The following NEK9 variants were observed in gnomAD, a reference collection of about 807,000 sequenced individuals.
NEK9 encodes NIMA related kinase 9.
A neutral mutation model predicts 123.4 loss-of-function variants in NEK9; 75 were observed. The ratio of observed to expected loss-of-function variants is 0.61; its 90% CI spans 0.50 to 0.74. The LOEUF (loss-of-function observed/expected upper bound fraction) is 0.74, where lower values mean the gene tolerates loss of function less well. NEK9 is among the 30% of genes least tolerant of loss of function. NEK9 has a pLI of 0.00. For synonymous variants in NEK9, 438 were observed against 458.7 expected (o/e 0.95, Z 0.58); for missense variants, 952 against 1,214.4 (o/e 0.78, Z 3.21).
Position 75,091,519 on chromosome 14 carries a change from C to G in NEK9, c.2234-41G>C, listed in dbSNP as rs556910874. The stretch of plus-strand genomic sequence containing the variant: ...CACAGAAATAGACAGCTTTGCTATG[C>G]AGCAAGACAGATTTACCATTTGACA... On this transcript the variant is annotated intron_variant, in intron 18 of 21. Transcript: ENST00000238616. The G allele has an allele frequency of 4.4e-5, 64 of 1,449,980 alleles. No homozygotes were observed. The East Asian group carries it at 1.1e-3, about 26-fold the overall frequency. The allele number at this position is 1,449,980 out of a possible 1,614,324, so 89.8% of individuals were successfully genotyped here. A position where few individuals can be genotyped will look rare whatever the true frequency, so the allele number is the denominator to read the frequency against.
chr14:75,119,650 G>C (rs1895258822), intron 4 of NEK9, among the ~76,000 whole-genome samples: 1 of 152,144 alleles, frequency 6.6e-6, no homozygotes, highest in Non-Finnish European at 1.5e-5. Flanking sequence ...AACTTGGTTG[G>C]TGTCAAAGTT....
rs1457406122 is a variant in NEK9 at position 75,120,883 on chromosome 14, A to G, written c.453+236T>C. On this transcript the variant is annotated intron_variant, in intron 3 of 21. Transcript: ENST00000238616. ...AAAACTGGGCATACCAGTACGCAGT[A>G]ATAGAACCAGGAAAGAAAGCCCACA... The G allele has an allele frequency of 6.3e-6, 4 of 633,908 alleles. No homozygotes were observed. In the African/African-American group the frequency reaches 7.3e-5, roughly 12 times the overall value. The allele number at this position is 633,908 out of a possible 1,614,324, so 39.3% of individuals were successfully genotyped here.
intron 13 of NEK9, 150 bp downstream of exon 13, chr14:75,105,800 T>TA (rs2139764506): frequency 1.6e-6 from 1 of 637,544 alleles, no homozygotes; most frequent in Admixed American, 2.8e-5. Flanking sequence ...CACAGGGTGC[T>TA]AAATCAGGAA....
At chr14:75,090,463 T>G (rs183072701) in intron 19 of NEK9, among the ~76,000 whole-genome samples, 1 of 152,320 alleles carries the variant, frequency 6.6e-6, no homozygotes, top group Non-Finnish European at 1.5e-5. Flanking sequence ...GTGTGTTACA[T>G]ATTTCCTAAA....
At chr14:75,125,108 G>A (rs1484233607) in intron 1 of NEK9, among the ~76,000 whole-genome samples, 1 of 151,960 alleles carries the variant, frequency 6.6e-6, no homozygotes, top group African/African-American at 2.4e-5. Flanking sequence ...TAGCCCAGGA[G>A]CATCTCCACC....
chr14:75,082,302 T>A lies in NEK9; in HGVS notation c.*2262A>T, dbSNP rs3211107. On this transcript the variant is annotated 3_prime_UTR_variant, in exon 22 of 22. Transcript: ENST00000238616. ...AAAACTTAAAACACCTAGCACTGCA[T>A]AAAGAAAAAAAGCAGGACAAAATTT... 1 of 152,002 alleles carries A rather than the reference T, an allele frequency of 6.6e-6. No individual in the cohort carries two copies. The highest frequency in any genetic ancestry group is 1.5e-5 in the Non-Finnish European group (1 of 67,988). 9.4% of individuals were successfully genotyped at this position (152,002 alleles called of 1,614,324 possible).
chr14:75,118,774 T>C (rs1180988681), intron 5 of NEK9, 56 bp downstream of exon 5: 8 of 998,434 alleles, frequency 8.0e-6, no homozygotes, highest in Non-Finnish European at 1.3e-5. Context: ...GGGAGTACAG[T>C]TATATTTCAC....
At chr14:75,117,370 G>C (rs1594849724) in intron 5 of NEK9, 44 bp from the exon 6 acceptor site, 1 of 1,570,152 alleles carries the variant, frequency 6.4e-7, no homozygotes, top group Non-Finnish European at 8.6e-7. Context: ...CTTTTCTGAG[G>C]TAACTATGTT....
At position 75,124,274 on chromosome 14, in the gene NEK9, T is replaced by C. The variant is rs554488166; in HGVS notation, c.220-51A>G. 1.9e-6 allele frequency: 3 copies of C among 1,542,668 alleles called. No homozygotes were observed. The Admixed American group carries it at 5.1e-5, about 26-fold the overall frequency. ...GCTTTTCCTCTTGCCTGGCAGCAAA[T>C]GAATCCACACCTAGATCTGTAAGCC... On this transcript the variant is annotated intron_variant, in intron 1 of 21. Coordinates refer to ENST00000238616, the MANE Select transcript of NEK9 (RefSeq NM_033116.6).
intron 13 of NEK9, 34 bp downstream of exon 13, chr14:75,105,916 A>G (rs749421286): frequency 3.9e-6 from 6 of 1,549,014 alleles, no homozygotes; most frequent in Non-Finnish European, 5.4e-6. Flanking sequence ...GCGACTTAAG[A>G]TAGGTTTTAG....
chr14:75,094,728 C>T (rs1242782768), intron 18 of NEK9, among the ~76,000 whole-genome samples: 2 of 151,914 alleles, frequency 1.3e-5, no homozygotes, highest in African/African-American at 2.4e-5. Flanking sequence ...TGCAGTGAGC[C>T]GAGATTGCGC....
At chr14:75,090,408 A>G (rs181982437) in intron 19 of NEK9, among the ~76,000 whole-genome samples, 9 of 152,020 alleles carry the variant, frequency 5.9e-5, no homozygotes, top group African/African-American at 2.2e-4. Flanking sequence ...CTTACAGACA[A>G]CCACTTTAAA....
intron 3 of NEK9, 65 bp downstream of exon 3, chr14:75,121,054 C>G (rs772046431): frequency 4.7e-5 from 60 of 1,284,874 alleles, no homozygotes; most frequent in Non-Finnish European, 6.7e-5. Context: ...AGAGTAAATA[C>G]AGAACTAGAA....
rs1274131095 is a variant in NEK9, at chr14:75,124,067, T to C, written c.376A>G (p.Ile126Val). 1.9e-6 allele frequency: 3 copies of C among 1,612,874 alleles called. No individual in the cohort carries two copies. Among genetic ancestry groups the C allele is most frequent in the South Asian group, 2.2e-5 (2 of 91,038 alleles). Reference protein sequence around the residue: ...NHFMDNTTLLIELEYCNGGNL... With the variant: ...NHFMDNTTLLVELEYCNGGNL... The stretch of plus-strand genomic sequence containing the variant: ...TTACCATTACAATATTCCAGCTCAA[T>C]CAGCAGCGTGGTATTGTCCATGAAG... Residue 126 changes from isoleucine to valine, a missense_variant, in exon 2 of 22, where the codon ATT becomes GTT. Ile to Val is a conservative substitution (Grantham distance 29, BLOSUM62 3). Transcript: ENST00000238616.
chr14:75,105,454 C>T (rs1442456055), intron 13 of NEK9, among the ~76,000 whole-genome samples: 1 of 152,148 alleles, frequency 6.6e-6, no homozygotes. Flanking sequence ...TGGTATCAGC[C>T]TCTGTGAGCC....
chr14:75,123,413 T>A lies in NEK9; in HGVS notation c.397+633A>T, dbSNP rs112847812. ...GAGTAAAACTCCATCTCAAAAAAAA[T>A]AATAATAATAATAAAAATAAAATGA... is the stretch of plus-strand genomic sequence containing the variant. On this transcript the variant is annotated intron_variant, in intron 2 of 21. Transcript: ENST00000238616. Among the ~76,000 whole-genome samples the A allele has an allele frequency of 9.4e-4, 141 of 150,364 alleles. 2 individuals carry two copies. In the South Asian group the frequency reaches 0.014, roughly 15 times the overall value.
Position 75,109,045 on chromosome 14 carries a change from G to A in NEK9, c.1182+640C>T, listed in dbSNP as rs534171782. Among the ~76,000 whole-genome samples, 15 of 152,268 alleles carry A rather than the reference G, an allele frequency of 9.9e-5. No homozygotes were observed. The South Asian group carries it at 2.9e-3, about 29-fold the overall frequency. On this transcript the variant is annotated intron_variant, in intron 10 of 21. Coordinates refer to ENST00000238616, the MANE Select transcript of NEK9 (RefSeq NM_033116.6). Reference sequence around the variant, plus strand: ...GGTCAAGCTAGGTAAGGACTAAAAAGCATCTGTTTTATTTTAGCAATTTAT... The same window carrying A: ...GGTCAAGCTAGGTAAGGACTAAAAAACATCTGTTTTATTTTAGCAATTTAT...
At chr14:75,119,851 T>C (rs1895266211) in intron 4 of NEK9, among the ~76,000 whole-genome samples, 1 of 152,234 alleles carries the variant, frequency 6.6e-6, no homozygotes, top group Non-Finnish European at 1.5e-5. Context: ...CAGAACAATA[T>C]ACTTTGTTAC....
chr14:75,088,582 C>T lies in NEK9; in HGVS notation c.2502G>A (p.Ala834=), dbSNP rs748537687. The change falls in exon 20 of 22, where the codon GCG becomes GCA. Residue 834 remains alanine (A), a synonymous_variant. Transcript: ENST00000238616. ...MPDSPSPLSA[A]FSESEKDTLP... is the part of the protein sequence containing the mutation. Reference sequence around the variant, plus strand: ...GGGTATCTTTCTCAGATTCTGAAAACGCTGCACTGAGAGGAGATGGGCTGT... The same window carrying T: ...GGGTATCTTTCTCAGATTCTGAAAATGCTGCACTGAGAGGAGATGGGCTGT... The T allele has an allele frequency of 8.7e-6, 14 of 1,614,028 alleles. No homozygotes were observed. The highest frequency in any genetic ancestry group is 7.7e-5 in the South Asian group (7 of 91,084).
Sources: allele counts gnomAD v4.1 joint callset (sites outside exome capture counted in the v4.1 genomes callset), GRCh38; gene constraint gnomAD v4.1.1; transcripts MANE v1.5; gene names NCBI Gene and HGNC (gene_info 2026-07-23, HGNC 2026-07-21).